Variants in KCNC4 observed in about 807,000 individuals in gnomAD.
KCNC4 encodes the protein potassium voltage-gated channel subfamily C member 4.
KCNC4 carries 23 observed loss-of-function variants against 42.8 expected under a neutral mutation model. The observed-to-expected ratio is 0.54, with a 90% CI of 0.39 to 0.76. The LOEUF (loss-of-function observed/expected upper bound fraction) is 0.76, where lower values mean the gene tolerates loss of function less well. KCNC4 is among the 30% of genes least tolerant of loss of function. KCNC4 has a pLI of 0.00. For missense variants in KCNC4, 751 were observed against 898.2 expected (o/e 0.84, Z 2.10); for synonymous variants, 422 against 393.5 (o/e 1.07, Z -0.86).
intron 3 of KCNC4, among the ~76,000 whole-genome samples, chr1:110,229,685 G>C (rs1174968942): frequency 1.3e-5 from 2 of 152,154 alleles, no homozygotes; most frequent in Non-Finnish European, 2.9e-5. Context: ...ACAGGTTTGT[G>C]AGTCACTGGG....
rs1273557990 is a variant in KCNC4 at position 110,233,968 on chromosome 1, T to G, written c.*996T>G. On this transcript the variant is annotated 3_prime_UTR_variant, in exon 4 of 4. Coordinates refer to ENST00000438661, the MANE Select transcript of KCNC4 (RefSeq NM_001039574.3). ...CCCAGGCTGGGCCCTGTGCCCTGTC[T>G]GCATGCCTCCAACTGTCATGCTGTG... The G allele has an allele frequency of 2.0e-5, 3 of 152,346 alleles. No homozygotes were observed. The highest frequency in any genetic ancestry group is 4.4e-5 in the Non-Finnish European group (3 of 68,108). 9.4% of individuals were successfully genotyped at this position (152,346 alleles called of 1,614,324 possible). A position where few individuals can be genotyped will look rare whatever the true frequency, so the allele number is the denominator to read the frequency against.
chr1:110,213,344 C>G (rs1657610157), intron 1 of KCNC4, among the ~76,000 whole-genome samples: 1 of 152,124 alleles, frequency 6.6e-6, no homozygotes. Flanking sequence ...GGGACTGCTG[C>G]TTGCTGTGGA....
chr1:110,227,391 C>G (rs1442550798), intron 3 of KCNC4, among the ~76,000 whole-genome samples: 1 of 152,226 alleles, frequency 6.6e-6, no homozygotes, highest in Admixed American at 6.5e-5. Flanking sequence ...GCCTAACCAG[C>G]CCCTGAAAGG....
chr1:110,211,055 G>A lies in KCNC4; in HGVS notation c.-445G>A. Among the ~76,000 whole-genome samples the A allele has an allele frequency of 6.6e-6, 1 of 152,262 alleles. No individual in the cohort carries two copies. Among genetic ancestry groups the A allele is most frequent in the East Asian group, 1.9e-4 (1 of 5,190 alleles). On this transcript the variant is annotated 5_prime_UTR_variant, in exon 1 of 4. Coordinates refer to ENST00000438661, the MANE Select transcript of KCNC4 (RefSeq NM_001039574.3). The surrounding 1 kb of genome is among the most constrained non-coding windows in gnomAD (Gnocchi z 6.5). ...CTGCGGGGAAGCCGGCTATTCCGGG[G>A]CTTGGTGCGGTCTTGGAGCCGGAGG...
chr1:110,273,690 A>G (rs1659672502), intron 1 of KCNC4, among the ~76,000 whole-genome samples: 1 of 152,222 alleles, frequency 6.6e-6, no homozygotes, highest in Non-Finnish European at 1.5e-5. Context: ...AAACCACTCA[A>G]ATTCATTCTG....
intron 2 of KCNC4, 195 bp downstream of exon 2, chr1:110,224,095 A>G: frequency 1.7e-6 from 1 of 584,686 alleles, no homozygotes; most frequent in East Asian, 2.8e-5. Context: ...AGCTTCCCGA[A>G]CATCAGATCT....
Position 110,223,529 on chromosome 1 carries a change from A to G in KCNC4, c.1244A>G (p.Asn415Ser). Reference sequence around the variant, plus strand: ...GCCAGGCCCTCCGACCCTCGGGGTAATGACCACACCGACTTCAAGAACATC... The same window carrying G: ...GCCAGGCCCTCCGACCCTCGGGGTAGTGACCACACCGACTTCAAGAACATC... Reference protein sequence around the residue: ...IGARPSDPRGNDHTDFKNIPI... With the variant: ...IGARPSDPRGSDHTDFKNIPI... The change falls in exon 2 of 4, where the codon AAT becomes AGT. Residue 415 changes from asparagine to serine, a missense_variant. This residue lies in a region of KCNC4 where 185 missense variants were observed against 293.7 expected (regional missense o/e 0.63). Coordinates refer to ENST00000438661, the MANE Select transcript of KCNC4 (RefSeq NM_001039574.3). This position sits in a 1 kb window ranked among gnomAD's most constrained non-coding sequence, Gnocchi z 7.5. The G allele has an allele frequency of 6.2e-7, 1 of 1,613,926 alleles. No individual in the cohort carries two copies. The highest frequency in any genetic ancestry group is 2.2e-5 in the East Asian group (1 of 44,878).
chr1:110,267,089 TTCA>T (rs1409919507), intron 1 of KCNC4, among the ~76,000 whole-genome samples: 1 of 152,194 alleles, frequency 6.6e-6, no homozygotes, highest in African/African-American at 2.4e-5. Context: ...AGGGCTGCTA[TTCA>T]TCACTTGTTT....
intron 1 of KCNC4, among the ~76,000 whole-genome samples, chr1:110,217,582 T>A (rs1320563781): frequency 6.6e-6 from 1 of 152,164 alleles, no homozygotes; most frequent in African/African-American, 2.4e-5. Context: ...CGGGCTAGAC[T>A]GAATTCCTTC....
chr1:110,252,747 A>T (rs1435948806), downstream of KCNC4, among the ~76,000 whole-genome samples: 1 of 152,172 alleles, frequency 6.6e-6, no homozygotes, highest in Non-Finnish European at 1.5e-5. Flanking sequence ...CCACTCTAAA[A>T]ATGAGAAATC....
chr1:110,233,108 C>T lies in KCNC4; in HGVS notation c.*136C>T, dbSNP rs924287949. The T allele has an allele frequency of 8.8e-7, 1 of 1,130,270 alleles. No individual in the cohort carries two copies. Among genetic ancestry groups the T allele is most frequent in the Non-Finnish European group, 1.3e-6 (1 of 791,432 alleles). 70.0% of individuals were successfully genotyped at this position (1,130,270 alleles called of 1,614,324 possible). A position where few individuals can be genotyped will look rare whatever the true frequency, so the allele number is the denominator to read the frequency against. On this transcript the variant is annotated 3_prime_UTR_variant, in exon 4 of 4. Coordinates refer to ENST00000438661, the MANE Select transcript of KCNC4 (RefSeq NM_001039574.3). ...TTTGCACAGGACTGGTGGAAAATCT[C>T]CCATGCGACCCTCGGGGCCCAGAGC... is the stretch of plus-strand genomic sequence containing the variant.
chr1:110,222,933 G>C, intron 1 of KCNC4, 31 bp from the exon 2 acceptor site: 1 of 1,554,708 alleles, frequency 6.4e-7, no homozygotes. Flanking sequence ...CTGTCTGACA[G>C]CTGCCCCCTG....
intron 1 of KCNC4, among the ~76,000 whole-genome samples, chr1:110,270,008 A>C (rs1659610848): frequency 6.6e-6 from 1 of 152,194 alleles, no homozygotes; most frequent in Non-Finnish European, 1.5e-5. Flanking sequence ...AGAATATATC[A>C]GGGTAGGAGC....
chr1:110,236,891 G>T (rs1193516918), downstream of KCNC4: 1 of 152,214 alleles, frequency 6.6e-6, no homozygotes, highest in Non-Finnish European at 1.5e-5. Context: ...GAAATGTTAG[G>T]AGGGCAGATT....
In KCNC4 at chr1:110,212,239, G is replaced by A. The variant is rs533034869; in HGVS notation, c.678+62G>A. ...CTGCAAGGGGTCCGTGGTGGGTGGT[G>A]GGTAGGGGCCGGGAGGAGCAGGGAC... On this transcript the variant is annotated intron_variant, in intron 1 of 3. Transcript: ENST00000438661. 111 of 1,369,740 alleles carry A rather than the reference G, an allele frequency of 8.1e-5. 1 individual carries two copies. In the East Asian group the frequency reaches 2.7e-3, roughly 33 times the overall value. 84.8% of individuals were successfully genotyped at this position (1,369,740 alleles called of 1,614,324 possible).
chr1:110,232,386 AG>A, intron 3 of KCNC4: 1 of 1,553,370 alleles, frequency 6.4e-7, no homozygotes. Context: ...GGAATATCCC[AG>A]GGTGGTGACA....
At position 110,275,879 on chromosome 1, in the gene KCNC4, ACC is replaced by A. The variant is rs59435246; in HGVS notation, n.31-6653_31-6652del. ...AGGCTGACACAGGAGAATCACTTGG[ACC>A]CGGGAGGTGGAGGTTGCAGTGAGCT... On this transcript the variant is annotated intron_variant and non_coding_transcript_variant, in intron 1 of 2. Transcript: ENST00000412512. Among the ~76,000 whole-genome samples, 1,426 of 147,390 alleles carry A rather than the reference ACC, an allele frequency of 9.7e-3. 21 individuals are homozygous for A. The highest frequency in any genetic ancestry group is 0.032 in the African/African-American group (1,273 of 39,820).
At chr1:110,256,947 C>A in intron 1 of KCNC4, 1 of 154,726 alleles carries the variant, frequency 6.5e-6, no homozygotes. Flanking sequence ...ATGTTGAAGC[C>A]AAGATGAAAA....
Position 110,211,142 on chromosome 1 carries a change from C to T in KCNC4, c.-358C>T, listed in dbSNP as rs1202154904. 6.6e-6 allele frequency among the ~76,000 whole-genome samples: 1 copy of T among 152,256 alleles called. No individual in the cohort carries two copies. The highest frequency in any genetic ancestry group is 1.5e-5 in the Non-Finnish European group (1 of 68,050). On this transcript the variant is annotated 5_prime_UTR_variant, in exon 1 of 4. Coordinates refer to ENST00000438661, the MANE Select transcript of KCNC4 (RefSeq NM_001039574.3). This position sits in a 1 kb window ranked among gnomAD's most constrained non-coding sequence, Gnocchi z 6.5. The stretch of plus-strand genomic sequence containing the variant: ...GGTGCGCGTGGACTGTGCGCTTCCT[C>T]GTCTTTGGTCGGGGTGAAGGCGGGG...
Sources: gnomAD v4.1 joint callset for allele counts (sites outside exome capture counted in the v4.1 genomes callset) on GRCh38, gnomAD v4.1.1 for gene constraint, gnomAD v4.1.1 regional missense constraint, Gnocchi (gnomAD v3.1) non-coding constraint, MANE v1.5 for transcripts, NCBI Gene and HGNC (gene_info 2026-07-23, HGNC 2026-07-21) for gene names.